The following SREK1IP1 variants were observed in gnomAD, a reference collection of about 807,000 sequenced individuals.
The protein encoded by SREK1IP1 is SREK1 interacting protein 1.
Under a neutral mutation model 22.8 loss-of-function variants are expected in SREK1IP1, and 12 were observed. The ratio of observed to expected loss-of-function variants is 0.53; its 90% CI spans 0.34 to 0.85. SREK1IP1 has a LOEUF of 0.85. SREK1IP1 is among the 40% of genes least tolerant of loss of function. SREK1IP1 has a pLI of 0.02. For missense variants in SREK1IP1, 147 were observed against 171.8 expected, an observed-to-expected ratio of 0.86 and a Z score of 0.81; for synonymous variants, 53 against 52.7, an observed-to-expected ratio of 1.01 and a Z score of -0.02.
intron 2 of SREK1IP1, among the ~76,000 whole-genome samples, chr5:64,748,403 C>T (rs1172566670): frequency 1.3e-5 from 2 of 151,996 alleles, no homozygotes; most frequent in African/African-American, 2.4e-5. Context: ...TAAATAGTAA[C>T]GATGGCTTTA....
intron 1 of SREK1IP1, among the ~76,000 whole-genome samples, chr5:64,760,716 A>G (rs6449757): frequency 0.44 from 67,129 of 151,838 alleles, 17,821 homozygotes; most frequent in African/African-American, 0.74. Flanking sequence ...GCCAGAAGGC[A>G]CCTCTCACGT....
rs954591350 is a variant in SREK1IP1 at position 64,739,535 on chromosome 5, C to T, written c.205+1522G>A. ...GGATTCTAGAATATATGTCGGGTTA[C>T]TTCACAGCTTTCCACACTGCTGAAG... is the stretch of plus-strand genomic sequence containing the variant. On this transcript the variant is annotated intron_variant, in intron 3 of 4. Transcript: ENST00000513458. Among the ~76,000 whole-genome samples, 59 of 152,108 alleles carry T rather than the reference C, an allele frequency of 3.9e-4. 1 individual carries two copies. The highest frequency in any genetic ancestry group is 1.5e-4 in the Non-Finnish European group (10 of 68,000).
intron 1 of SREK1IP1, among the ~76,000 whole-genome samples, chr5:64,755,644 T>A (rs887464746): frequency 6.6e-6 from 1 of 152,088 alleles, no homozygotes; most frequent in Admixed American, 6.5e-5. Context: ...AACCTCACCA[T>A]TATGCAATAT....
At chr5:64,738,879 A>G (rs75932137) in intron 3 of SREK1IP1, among the ~76,000 whole-genome samples, 10,282 of 152,222 alleles carry the variant, frequency 0.068, 1,136 homozygotes, top group African/African-American at 0.24. Flanking sequence ...CTTGGCTAAT[A>G]ATTTGGTTGA....
chr5:64,762,216 C>T (rs1170740785), intron 1 of SREK1IP1, among the ~76,000 whole-genome samples: 1 of 152,088 alleles, frequency 6.6e-6, no homozygotes, highest in Non-Finnish European at 1.5e-5. Flanking sequence ...TTCCTAGAAT[C>T]GCTTAAATTT....
In SREK1IP1 at chr5:64,719,435, C is replaced by G. The variant is rs903215049; in HGVS notation, c.*4949G>C. 3 of 152,134 alleles carry G rather than the reference C, an allele frequency of 2.0e-5. No individual in the cohort carries two copies. The highest frequency in any genetic ancestry group is 7.2e-5 in the African/African-American group (3 of 41,424). 9.4% of individuals were successfully genotyped at this position (152,134 alleles called of 1,614,324 possible). ...CGGCCATAAAAACAAAGAATTTTCA[C>G]TTATTTTTTGTGAAAGTTTATAAAG... is the stretch of plus-strand genomic sequence containing the variant. On this transcript the variant is annotated 3_prime_UTR_variant, in exon 5 of 5. Coordinates refer to ENST00000513458, the MANE Select transcript of SREK1IP1 (RefSeq NM_173829.4).
intron 3 of SREK1IP1, among the ~76,000 whole-genome samples, chr5:64,729,364 C>G (rs1478010134): frequency 6.6e-6 from 1 of 152,024 alleles, no homozygotes; most frequent in Non-Finnish European, 1.5e-5. Context: ...AAATTAGTGC[C>G]AAAGCTCCAA....
At chr5:64,763,266 C>T (rs896596716) in intron 1 of SREK1IP1, among the ~76,000 whole-genome samples, 1 of 151,522 alleles carries the variant, frequency 6.6e-6, no homozygotes, top group Admixed American at 6.6e-5. Flanking sequence ...AGGCTGGGCG[C>T]GGTGGCTCAT....
At chr5:64,735,566 T>C (rs1194319245) in intron 3 of SREK1IP1, among the ~76,000 whole-genome samples, 1 of 152,148 alleles carries the variant, frequency 6.6e-6, no homozygotes, top group African/African-American at 2.4e-5. Context: ...CTTCATATTT[T>C]AGATTTCTTC....
intron 3 of SREK1IP1, among the ~76,000 whole-genome samples, chr5:64,740,831 A>G (rs1742539707): frequency 6.6e-6 from 1 of 152,136 alleles, no homozygotes; most frequent in Non-Finnish European, 1.5e-5. Flanking sequence ...AAAAACAACA[A>G]CAAAAAACAT....
At position 64,723,171 on chromosome 5, in the gene SREK1IP1, G is replaced by C. The variant is rs549958897; in HGVS notation, c.*1213C>G. 10 of 152,106 alleles carry C rather than the reference G, an allele frequency of 6.6e-5. No individual in the cohort carries two copies. The highest frequency in any genetic ancestry group is 1.5e-4 in the Non-Finnish European group (10 of 68,010). 9.4% of individuals were successfully genotyped at this position (152,106 alleles called of 1,614,324 possible). On this transcript the variant is annotated 3_prime_UTR_variant, in exon 5 of 5. Coordinates refer to ENST00000513458, the MANE Select transcript of SREK1IP1 (RefSeq NM_173829.4). Reference sequence around the variant, plus strand: ...ATGTGAAAATAGAAATTTAAAAAACGTATCTACTAATATGTGTTTGAAAAT... The same window carrying C: ...ATGTGAAAATAGAAATTTAAAAAACCTATCTACTAATATGTGTTTGAAAAT...
In SREK1IP1 at chr5:64,734,239, T is replaced by C. The variant is rs115855792; in HGVS notation, c.206-6060A>G. Among the ~76,000 whole-genome samples, 356 of 152,250 alleles carry C rather than the reference T, an allele frequency of 2.3e-3. 3 individuals carry two copies. Among genetic ancestry groups the C allele is most frequent in the African/African-American group, 8.0e-3 (333 of 41,574 alleles). ...ATATGTATGGGTCTATTCTGTTCCA[T>C]TGATCTATCTTTACATCGATACTAC... is the stretch of plus-strand genomic sequence containing the variant. On this transcript the variant is annotated intron_variant, in intron 3 of 4. Coordinates refer to ENST00000513458, the MANE Select transcript of SREK1IP1 (RefSeq NM_173829.4).
At position 64,721,985 on chromosome 5, in the gene SREK1IP1, C is replaced by T. The variant is rs1012934798; in HGVS notation, c.*2399G>A. ...AAGATCATACAGGTAGTTAGAATGA[C>T]CAGGACTGTTTTACTGCTAAATTCA... On this transcript the variant is annotated 3_prime_UTR_variant, in exon 5 of 5. Coordinates refer to ENST00000513458, the MANE Select transcript of SREK1IP1 (RefSeq NM_173829.4). 2.6e-5 allele frequency: 4 copies of T among 152,160 alleles called. No homozygotes were observed. The highest frequency in any genetic ancestry group is 9.6e-5 in the African/African-American group (4 of 41,520). The allele number at this position is 152,160 out of a possible 1,614,324, so 9.4% of individuals were successfully genotyped here. A position where few individuals can be genotyped will look rare whatever the true frequency, so the allele number is the denominator to read the frequency against.
At chr5:64,768,414 G>T in intron 1 of SREK1IP1, 91 bp downstream of exon 1, 1 of 1,551,678 alleles carries the variant, frequency 6.4e-7, no homozygotes, top group South Asian at 1.1e-5. Context: ...AAATCCCCAT[G>T]GGCGCTGCTC....
At chr5:64,748,419 T>C (rs1035970950) in intron 2 of SREK1IP1, among the ~76,000 whole-genome samples, 17 of 152,324 alleles carry the variant, frequency 1.1e-4, no homozygotes, top group African/African-American at 3.1e-4. Context: ...CTTTACAACA[T>C]TGTGAATGTA....
chr5:64,724,211 TA>T lies in SREK1IP1; in HGVS notation c.*172del. ...CAAGACTGATTTAATACTTTACAGT[TA>T]CAGCACATTAAAAATATATTGCCAG... On this transcript the variant is annotated 3_prime_UTR_variant, in exon 5 of 5. Transcript: ENST00000513458. 1 of 550,640 alleles carries T rather than the reference TA, an allele frequency of 1.8e-6. No individual in the cohort carries two copies. Among genetic ancestry groups the T allele is most frequent in the Non-Finnish European group, 3.2e-6 (1 of 314,964 alleles). The allele number at this position is 550,640 out of a possible 1,614,324, so 34.1% of individuals were successfully genotyped here.
intron 1 of SREK1IP1, among the ~76,000 whole-genome samples, chr5:64,760,006 C>T (rs975448103): frequency 6.6e-6 from 1 of 152,186 alleles, no homozygotes; most frequent in Non-Finnish European, 1.5e-5. Flanking sequence ...AATTTATGTG[C>T]ACAAATGCAT....
In SREK1IP1 at chr5:64,757,203, C is replaced by G. The variant is rs145817346; in HGVS notation, c.14-2841G>C. Among the ~76,000 whole-genome samples the G allele has an allele frequency of 1.0e-3, 153 of 152,278 alleles. 4 individuals are homozygous for G. The East Asian group carries it at 0.025, about 25-fold the overall frequency. On this transcript the variant is annotated intron_variant, in intron 1 of 4. Transcript: ENST00000513458. ...CTTGAGGCCAGGAATTTGGGGCCAG[C>G]CTGGGCAACATAGTGAGACCACATC...
intron 3 of SREK1IP1, among the ~76,000 whole-genome samples, chr5:64,736,400 T>C (rs1742463178): frequency 6.6e-6 from 1 of 152,138 alleles, no homozygotes; most frequent in Admixed American, 6.6e-5. Flanking sequence ...CCATAAGAAT[T>C]TTTATTTACG....
Sources: gnomAD v4.1 joint callset for allele counts (sites outside exome capture counted in the v4.1 genomes callset) on GRCh38, gnomAD v4.1.1 for gene constraint, MANE v1.5 for transcripts, NCBI Gene and HGNC (gene_info 2026-07-23, HGNC 2026-07-21) for gene names.